The following CCDC102B variants were observed in gnomAD, a reference collection of about 807,000 sequenced individuals.
CCDC102B encodes coiled-coil domain containing 102B, also known as coiled-coil domain-containing protein 102B.
Under a neutral mutation model 57.4 loss-of-function variants are expected in CCDC102B, and 75 were observed. The ratio of observed to expected loss-of-function variants is 1.31; its 90% CI spans 1.08 to 1.58. The LOEUF is 1.58. Ranked by LOEUF, CCDC102B falls within the 40% of genes most tolerant of loss-of-function variation. CCDC102B has a pLI of 0.00. For missense variants in CCDC102B, 636 were observed against 582.6 expected (o/e 1.09, Z -0.94); for synonymous variants, 206 against 201.9 (o/e 1.02, Z -0.17).
intron 2 of CCDC102B, among the ~76,000 whole-genome samples, chr18:68,764,674 AT>A (rs1262522471): frequency 2.0e-5 from 3 of 152,176 alleles, no homozygotes; most frequent in African/African-American, 7.2e-5. Context: ...CAAGAAGAAA[AT>A]GTTAGCATTA....
intron 6 of CCDC102B, among the ~76,000 whole-genome samples, chr18:68,951,251 G>A (rs992469278): frequency 1.3e-5 from 2 of 152,066 alleles, no homozygotes; most frequent in African/African-American, 4.8e-5. Context: ...AATTCAGAAC[G>A]GGTGTTTGGG....
Position 68,887,611 on chromosome 18 carries a change from C to T in CCDC102B, c.1054-9608C>T, listed in dbSNP as rs2039935951. Among the ~76,000 whole-genome samples the T allele has an allele frequency of 1.3e-5, 2 of 152,208 alleles. 1 individual carries two copies. The highest frequency in any genetic ancestry group is 4.1e-4 in the South Asian group (2 of 4,836). On this transcript the variant is annotated intron_variant, in intron 5 of 7. Coordinates refer to ENST00000360242, the MANE Select transcript of CCDC102B (RefSeq NM_024781.3). ...TTGAGTAATCGATCCTTTCAACTAA[C>T]TCACACTTGCTAAATATTTTTCCAC...
intron 6 of CCDC102B, among the ~76,000 whole-genome samples, chr18:68,979,344 A>G (rs2050517813): frequency 2.0e-5 from 3 of 152,028 alleles, no homozygotes; most frequent in African/African-American, 7.2e-5. Flanking sequence ...CTTTTCCTTC[A>G]GTCTAGTAAT....
chr18:68,977,611 A>G (rs376651007), intron 6 of CCDC102B, among the ~76,000 whole-genome samples: 1 of 151,306 alleles, frequency 6.6e-6, no homozygotes, highest in Admixed American at 6.6e-5. Context: ...TTCTGATTTT[A>G]TAGGTTTGTT....
intron 6 of CCDC102B, among the ~76,000 whole-genome samples, chr18:68,940,255 A>C (rs1025548631): frequency 7.9e-5 from 12 of 151,884 alleles, no homozygotes; most frequent in African/African-American, 2.9e-4. Flanking sequence ...TGGCATATGA[A>C]ATCGTTTTCA....
chr18:69,043,984 A>C (rs931740037), intron 7 of CCDC102B, among the ~76,000 whole-genome samples: 1 of 152,172 alleles, frequency 6.6e-6, no homozygotes, highest in Non-Finnish European at 1.5e-5. Flanking sequence ...TAAGGGGTCC[A>C]AGAAAGTGAT....
chr18:68,862,490 A>ATTAGCTGTCTGACTCTAGGC (rs2038804612), intron 4 of CCDC102B, among the ~76,000 whole-genome samples: 1 of 152,164 alleles, frequency 6.6e-6, no homozygotes, highest in African/African-American at 2.4e-5. Context: ...TTTTATTTAT[A>ATTAGCTGTCTGACTCTAGGC]AAAATTTTAT....
intron 4 of CCDC102B, among the ~76,000 whole-genome samples, chr18:68,846,909 C>G (rs756901224): frequency 6.6e-6 from 1 of 151,720 alleles, no homozygotes; most frequent in African/African-American, 2.4e-5. Flanking sequence ...TTCATATCGA[C>G]ATTGTAGTTA....
intron 3 of CCDC102B, among the ~76,000 whole-genome samples, chr18:68,844,522 A>G (rs1432907286): frequency 4.0e-5 from 6 of 151,874 alleles, no homozygotes; most frequent in African/African-American, 1.4e-4. Flanking sequence ...TAAACATTCC[A>G]ATGAAGTTAC....
chr18:68,820,733 G>A (rs2036660364), intron 1 of CCDC102B, among the ~76,000 whole-genome samples: 1 of 151,894 alleles, frequency 6.6e-6, no homozygotes. Flanking sequence ...TTTACTTAAT[G>A]TCCACTCTAA....
At chr18:68,888,060 T>G (rs2039949876) in intron 5 of CCDC102B, among the ~76,000 whole-genome samples, 1 of 151,816 alleles carries the variant, frequency 6.6e-6, no homozygotes, top group Non-Finnish European at 1.5e-5. Context: ...TGTGTTGAAA[T>G]AGTATACTTA....
intron 2 of CCDC102B, among the ~76,000 whole-genome samples, chr18:68,784,504 T>G (rs2035120462): frequency 6.6e-6 from 1 of 152,072 alleles, no homozygotes; most frequent in African/African-American, 2.4e-5. Context: ...GGACACAGAT[T>G]CAAACCATAC....
chr18:68,842,034 C>T (rs2037658425), intron 3 of CCDC102B, among the ~76,000 whole-genome samples: 1 of 152,222 alleles, frequency 6.6e-6, no homozygotes, highest in African/African-American at 2.4e-5. Flanking sequence ...CCACTGCGCC[C>T]AGCCCATTTT....
intron 6 of CCDC102B, among the ~76,000 whole-genome samples, chr18:68,994,531 C>T (rs2050964691): frequency 1.3e-5 from 2 of 152,168 alleles, no homozygotes; most frequent in African/African-American, 4.8e-5. Flanking sequence ...CCTCCTCCCC[C>T]GTGTAAAGGG....
chr18:69,014,903 A>G (rs535516292), intron 7 of CCDC102B, among the ~76,000 whole-genome samples: 1 of 151,672 alleles, frequency 6.6e-6, no homozygotes, highest in African/African-American at 2.4e-5. Flanking sequence ...CAAGTGAAGA[A>G]GGGAGAAACA....
In CCDC102B at chr18:68,982,054, T is replaced by C. The variant is rs115858054; in HGVS notation, c.1264-28880T>C. ...CTTTTCAGACAGAAAGGAGATATTTTTGAGGATGAGAAATGAAGCCAGGGA... is the reference window on the plus strand; with the variant it reads ...CTTTTCAGACAGAAAGGAGATATTTCTGAGGATGAGAAATGAAGCCAGGGA... On this transcript the variant is annotated intron_variant, in intron 6 of 7. Transcript: ENST00000360242. Among the ~76,000 whole-genome samples the C allele has an allele frequency of 8.7e-3, 1,324 of 152,018 alleles. 16 individuals are homozygous for C. The highest frequency in any genetic ancestry group is 0.031 in the African/African-American group (1,267 of 41,504).
At position 68,887,558 on chromosome 18, in the gene CCDC102B, C is replaced by T. The variant is rs570950544; in HGVS notation, c.1054-9661C>T. 8.2e-4 allele frequency among the ~76,000 whole-genome samples: 125 copies of T among 152,218 alleles called. 1 individual carries two copies. The highest frequency in any genetic ancestry group is 2.7e-3 in the African/African-American group (114 of 41,548). On this transcript the variant is annotated intron_variant, in intron 5 of 7. Coordinates refer to ENST00000360242, the MANE Select transcript of CCDC102B (RefSeq NM_024781.3). ...TTGTTTTTGAATTTGGACAAATGTC[C>T]GTGTTGGACTTTGGCTCACTGACAT...
At chr18:68,994,424 C>A (rs1234448443) in intron 6 of CCDC102B, among the ~76,000 whole-genome samples, 1 of 152,034 alleles carries the variant, frequency 6.6e-6, no homozygotes, top group African/African-American at 2.4e-5. Context: ...CTCTCATACC[C>A]ATTGAAATTG....
chr18:68,812,513 G>T (rs989736174), intron 1 of CCDC102B, among the ~76,000 whole-genome samples: 2 of 152,088 alleles, frequency 1.3e-5, no homozygotes, highest in African/African-American at 2.4e-5. Context: ...GCATTTTAAA[G>T]AACAACATAG....
Sources: gnomAD v4.1 joint callset for allele counts (sites outside exome capture counted in the v4.1 genomes callset) on GRCh38, gnomAD v4.1.1 for gene constraint, MANE v1.5 for transcripts, NCBI Gene and HGNC (gene_info 2026-07-23, HGNC 2026-07-21) for gene names.